PLOD2: variants seen among roughly 807,000 people sequenced by gnomAD.
PLOD2 encodes the protein procollagen-lysine,2-oxoglutarate 5-dioxygenase 2, also known as lysine hydroxylase 2.
Under a neutral mutation model 101.0 loss-of-function variants are expected in PLOD2, and 65 were observed. The ratio of observed to expected loss-of-function variants is 0.64; its 90% confidence interval spans 0.53 to 0.79. The LOEUF (loss-of-function observed/expected upper bound fraction) is 0.79. Among genes scored for constraint, PLOD2 ranks in the 30% least tolerant of loss-of-function variants. PLOD2 has a pLI of 0.00. For synonymous variants in PLOD2, 314 were observed against 302.9 expected, an observed-to-expected ratio of 1.04 and a Z score of -0.38; for missense variants, 909 against 914.6, an observed-to-expected ratio of 0.99 and a Z score of 0.08.
At chr3:146,087,792 T>C (rs1310873720) in intron 9 of PLOD2, among the ~76,000 whole-genome samples, 3 of 151,804 alleles carry the variant, frequency 2.0e-5, no homozygotes, top group Admixed American at 1.3e-4. Context: ...AAAGTATATA[T>C]ATTACAACAT....
chr3:146,160,472 G>A lies in PLOD2; in HGVS notation c.109+409C>T, dbSNP rs185099129. ...GGAAGGAATGTGTCACCATCAATTAGAAAGTACACTAAGCCCCGTGTTTAG... is the reference window on the plus strand; with the variant it reads ...GGAAGGAATGTGTCACCATCAATTAAAAAGTACACTAAGCCCCGTGTTTAG... On this transcript the variant is annotated intron_variant, in intron 1 of 19. Transcript: ENST00000282903. 1.9e-3 allele frequency among the ~76,000 whole-genome samples: 295 copies of A among 152,306 alleles called. 2 individuals are homozygous for A. Among genetic ancestry groups the A allele is most frequent in the African/African-American group, 7.0e-3 (289 of 41,566 alleles).
intron 1 of PLOD2, among the ~76,000 whole-genome samples, chr3:146,155,812 G>C (rs145583258): frequency 5.9e-4 from 90 of 151,950 alleles, no homozygotes; most frequent in African/African-American, 2.0e-3. Context: ...TGAGTAAGAT[G>C]TAAATTAAAA....
intron 3 of PLOD2, among the ~76,000 whole-genome samples, chr3:146,119,049 A>G (rs1183665646): frequency 6.6e-6 from 1 of 152,154 alleles, no homozygotes; most frequent in Non-Finnish European, 1.5e-5. Context: ...TCATGTTGAA[A>G]CGTAACCCTC....
intron 15 of PLOD2, among the ~76,000 whole-genome samples, chr3:146,074,480 A>G (rs1936260932): frequency 6.6e-6 from 1 of 151,478 alleles, no homozygotes; most frequent in African/African-American, 2.4e-5. Flanking sequence ...TGTAACTCAA[A>G]CATTTTTTAT....
At chr3:146,088,161 G>A (rs1357157962) in intron 9 of PLOD2, among the ~76,000 whole-genome samples, 1 of 151,586 alleles carries the variant, frequency 6.6e-6, no homozygotes, top group African/African-American at 2.4e-5. Context: ...ATGCCCTTGT[G>A]TAATTAATCA....
chr3:146,131,053 G>A (rs2030879475), intron 1 of PLOD2, among the ~76,000 whole-genome samples: 1 of 152,182 alleles, frequency 6.6e-6, no homozygotes. Context: ...TTGGTACAGA[G>A]GCTGCCTATG....
intron 2 of PLOD2, among the ~76,000 whole-genome samples, 165 bp from the exon 3 acceptor site, chr3:146,121,413 G>C (rs554571312): frequency 3.3e-5 from 5 of 152,110 alleles, no homozygotes; most frequent in African/African-American, 1.2e-4. Flanking sequence ...GCCTAAATCA[G>C]ATCATAATTC....
chr3:146,072,459 C>T (rs113195215), intron 17 of PLOD2, 102 bp downstream of exon 17: 10 of 801,782 alleles, frequency 1.2e-5, no homozygotes, highest in Admixed American at 5.9e-5. Context: ...AAGTCTAGAA[C>T]TCAGAGACAT....
At chr3:146,118,510 T>C (rs1938026128) in intron 3 of PLOD2, among the ~76,000 whole-genome samples, 1 of 152,208 alleles carries the variant, frequency 6.6e-6, no homozygotes, top group Non-Finnish European at 1.5e-5. Flanking sequence ...TTTGTGTCTT[T>C]ATATTTTCAA....
intron 13 of PLOD2, among the ~76,000 whole-genome samples, chr3:146,078,855 A>T (rs1273466170): frequency 1.3e-5 from 2 of 151,968 alleles, no homozygotes; most frequent in Non-Finnish European, 2.9e-5. Context: ...TTTGTAACAA[A>T]TACATCTTTA....
chr3:146,135,670 T>C (rs1289227451), intron 1 of PLOD2, among the ~76,000 whole-genome samples: 1 of 152,182 alleles, frequency 6.6e-6, no homozygotes, highest in Non-Finnish European at 1.5e-5. Context: ...ATAAAACTGG[T>C]TCTGATGTAT....
Position 146,161,090 on chromosome 3 carries a change from T to G in PLOD2, c.-101A>C, listed in dbSNP as rs1266599262. ...ACCCGGGTCCGCCCTGAGCCGCCGA[T>G]TGCGGGCGGGAGCCGGCGGGCAAGG... On this transcript the variant is annotated 5_prime_UTR_variant, in exon 1 of 20. Transcript: ENST00000282903. 2 of 704,000 alleles carry G rather than the reference T, an allele frequency of 2.8e-6. No homozygotes were observed. Among genetic ancestry groups the G allele is most frequent in the Non-Finnish European group, 4.2e-6 (2 of 475,438 alleles). The allele number at this position is 704,000 out of a possible 1,614,324, so 43.6% of individuals were successfully genotyped here.
chr3:146,151,607 T>C (rs968212298), intron 1 of PLOD2, among the ~76,000 whole-genome samples: 1 of 152,104 alleles, frequency 6.6e-6, no homozygotes, highest in Non-Finnish European at 1.5e-5. Context: ...AGTGGAAGGA[T>C]GAGAACTTAG....
At chr3:146,076,720 C>T in intron 15 of PLOD2, 62 bp downstream of exon 15, 4 of 836,568 alleles carry the variant, frequency 4.8e-6, no homozygotes, top group Non-Finnish European at 8.1e-6. Context: ...TATTATTAAC[C>T]AACTGATTTA....
At chr3:146,150,290 G>A (rs1469905876) in intron 1 of PLOD2, among the ~76,000 whole-genome samples, 13 of 152,028 alleles carry the variant, frequency 8.6e-5, no homozygotes, top group Admixed American at 8.5e-4. Flanking sequence ...TCCAAAAGTT[G>A]AATCTAGGTA....
intron 7 of PLOD2, among the ~76,000 whole-genome samples, chr3:146,096,885 G>T (rs1336905463): frequency 1.1e-4 from 10 of 91,858 alleles, no homozygotes; most frequent in African/African-American, 1.3e-4. Flanking sequence ...GGAGGTGGGG[G>T]GGGGGAGTCG....
intron 1 of PLOD2, among the ~76,000 whole-genome samples, chr3:146,153,004 A>ATTCCAGAGGCCCTG (rs1011029282): frequency 6.6e-6 from 1 of 152,210 alleles, no homozygotes; most frequent in Admixed American, 6.5e-5. Flanking sequence ...GCCGGCAGGA[A>ATTCCAGAGGCCCTG]TTCCAGAGGC....
intron 6 of PLOD2, among the ~76,000 whole-genome samples, chr3:146,103,736 A>C (rs888908131): frequency 6.6e-6 from 1 of 151,790 alleles, no homozygotes; most frequent in South Asian, 2.1e-4. Flanking sequence ...TTATATTTTA[A>C]ATTTTACTGT....
intron 1 of PLOD2, among the ~76,000 whole-genome samples, chr3:146,129,793 A>G (rs2030799989): frequency 6.6e-6 from 1 of 152,206 alleles, no homozygotes; most frequent in African/African-American, 2.4e-5. Context: ...CAAACAGTTT[A>G]GCAAGTAACT....
Sources: gnomAD v4.1 joint callset for allele counts (sites outside exome capture counted in the v4.1 genomes callset) on GRCh38, gnomAD v4.1.1 for gene constraint, MANE v1.5 for transcripts, NCBI Gene and HGNC (gene_info 2026-07-23, HGNC 2026-07-21) for gene names.